Variants in UNC5D observed in about 807,000 individuals in gnomAD.
The protein encoded by UNC5D is netrin receptor UNC5D.
Under a neutral mutation model 105.4 loss-of-function variants are expected in UNC5D, and 39 were observed. That is an observed-to-expected ratio of 0.37 (90% CI 0.29 to 0.48). The LOEUF (loss-of-function observed/expected upper bound fraction) is 0.48, where lower values mean the gene tolerates loss of function less well. UNC5D is among the 20% of genes least tolerant of loss of function. UNC5D has a pLI of 0.98. For synonymous variants in UNC5D, 452 were observed against 450.4 expected, an observed-to-expected ratio of 1.00 and a Z score of -0.04; for missense variants, 991 against 1,202.4, an observed-to-expected ratio of 0.82 and a Z score of 2.60.
At chr8:35,289,307 T>A (rs995216685) in intron 1 of UNC5D, among the ~76,000 whole-genome samples, 1 of 152,150 alleles carries the variant, frequency 6.6e-6, no homozygotes, top group African/African-American at 2.4e-5. Context: ...CAAGCAGACA[T>A]AAAAGTTGTA....
chr8:35,281,842 GT>G (rs1806201289), intron 1 of UNC5D, among the ~76,000 whole-genome samples: 1 of 152,140 alleles, frequency 6.6e-6, no homozygotes, highest in Non-Finnish European at 1.5e-5. Flanking sequence ...ACTTCGTTGG[GT>G]TTGGTGAATA....
chr8:35,463,571 C>A (rs1225745398), intron 1 of UNC5D, among the ~76,000 whole-genome samples: 1 of 149,176 alleles, frequency 6.7e-6, no homozygotes. Flanking sequence ...CACTAGAATG[C>A]AAGCTTCATA....
intron 3 of UNC5D, among the ~76,000 whole-genome samples, chr8:35,593,790 G>A (rs148236705): frequency 2.6e-3 from 395 of 152,098 alleles, no homozygotes; most frequent in African/African-American, 7.7e-3. Context: ...AAAAAAAACA[G>A]CTCCTTCATC....
chr8:35,754,907 A>G (rs900302568), intron 13 of UNC5D, among the ~76,000 whole-genome samples: 3 of 152,220 alleles, frequency 2.0e-5, no homozygotes, highest in Non-Finnish European at 4.4e-5. Flanking sequence ...GAAAAATTAA[A>G]TCTGCTATGT....
intron 1 of UNC5D, among the ~76,000 whole-genome samples, chr8:35,374,754 C>T (rs554528246): frequency 1.3e-5 from 2 of 152,324 alleles, no homozygotes; most frequent in Admixed American, 6.5e-5. Context: ...GGAAGCAGAA[C>T]TGGTGACAAT....
chr8:35,701,003 A>G (rs1827160060), intron 7 of UNC5D, among the ~76,000 whole-genome samples: 1 of 152,324 alleles, frequency 6.6e-6, no homozygotes, highest in East Asian at 1.9e-4. Context: ...GTTAACACAT[A>G]TCTTTTTGGG....
At chr8:35,264,765 G>A (rs1804736279) in intron 1 of UNC5D, among the ~76,000 whole-genome samples, 1 of 150,208 alleles carries the variant, frequency 6.7e-6, no homozygotes, top group African/African-American at 2.4e-5. Context: ...AGTAAAAGGT[G>A]TTAAGCTTTT....
At chr8:35,536,073 A>G (rs972796485) in intron 1 of UNC5D, among the ~76,000 whole-genome samples, 1 of 152,236 alleles carries the variant, frequency 6.6e-6, no homozygotes, top group African/African-American at 2.4e-5. Flanking sequence ...TTGCCTCTTG[A>G]TAAAAAATAT....
chr8:35,378,181 C>T (rs894643096), intron 1 of UNC5D, among the ~76,000 whole-genome samples: 1 of 152,130 alleles, frequency 6.6e-6, no homozygotes, highest in African/African-American at 2.4e-5. Flanking sequence ...TTATGGAAGC[C>T]CTTGTTAACA....
chr8:35,633,397 A>G (rs1822163270), intron 4 of UNC5D, among the ~76,000 whole-genome samples: 1 of 152,112 alleles, frequency 6.6e-6, no homozygotes. Context: ...TTTCCAGTCT[A>G]ATATTGAGCA....
chr8:35,252,676 G>A (rs1803789678), intron 1 of UNC5D, among the ~76,000 whole-genome samples: 1 of 152,054 alleles, frequency 6.6e-6, no homozygotes, highest in Non-Finnish European at 1.5e-5. Context: ...TAAAATTTGG[G>A]TGATTATCAG....
At chr8:35,295,419 A>G (rs1807409491) in intron 1 of UNC5D, among the ~76,000 whole-genome samples, 1 of 152,186 alleles carries the variant, frequency 6.6e-6, no homozygotes, top group Non-Finnish European at 1.5e-5. Context: ...AAATTTTCCA[A>G]CATATTTTTT....
At chr8:35,470,990 G>A (rs912271250) in intron 1 of UNC5D, among the ~76,000 whole-genome samples, 1 of 152,032 alleles carries the variant, frequency 6.6e-6, no homozygotes, top group African/African-American at 2.4e-5. Context: ...CTAACTCAAA[G>A]AGATTTAATT....
intron 4 of UNC5D, among the ~76,000 whole-genome samples, chr8:35,668,943 CA>C (rs924781743): frequency 6.6e-6 from 1 of 151,968 alleles, no homozygotes; most frequent in Non-Finnish European, 1.5e-5. Context: ...ACCTTATGAT[CA>C]GCATACTTCT....
chr8:35,366,203 C>G (rs1802113365), intron 1 of UNC5D, among the ~76,000 whole-genome samples: 1 of 151,938 alleles, frequency 6.6e-6, no homozygotes, highest in African/African-American at 2.4e-5. Flanking sequence ...AATCAGGCGT[C>G]TTGGAGTGTT....
At chr8:35,245,337 A>G (rs868097877) in intron 1 of UNC5D, among the ~76,000 whole-genome samples, 4 of 152,172 alleles carry the variant, frequency 2.6e-5, no homozygotes, top group Non-Finnish European at 5.9e-5. Context: ...CCAGAGAACT[A>G]TAACTGTGTT....
chr8:35,582,633 T>C (rs912965594), intron 3 of UNC5D, among the ~76,000 whole-genome samples: 6 of 152,206 alleles, frequency 3.9e-5, no homozygotes, highest in Non-Finnish European at 8.8e-5. Flanking sequence ...CATGGAGATG[T>C]GGGATGAGGG....
chr8:35,716,587 A>G (rs59056946), intron 8 of UNC5D, among the ~76,000 whole-genome samples: 1 of 152,196 alleles, frequency 6.6e-6, no homozygotes, highest in Non-Finnish European at 1.5e-5. Context: ...TTGTTGGAAG[A>G]TTAAAATGAG....
At chr8:35,626,570 T>G (rs1033496256) in intron 4 of UNC5D, among the ~76,000 whole-genome samples, 1 of 152,206 alleles carries the variant, frequency 6.6e-6, no homozygotes, top group Non-Finnish European at 1.5e-5. Context: ...TTCAGCTTAT[T>G]TGGGTTCAAA....
Sources: allele counts gnomAD v4.1 joint callset (sites outside exome capture counted in the v4.1 genomes callset), GRCh38; gene constraint gnomAD v4.1.1; transcripts MANE v1.5; gene names NCBI Gene and HGNC (gene_info 2026-07-23, HGNC 2026-07-21).